SRRD: variants seen among roughly 807,000 people sequenced by gnomAD.
SRRD encodes the protein SRR1-like protein.
Under a neutral mutation model 30.7 loss-of-function variants are expected in SRRD, and 28 were observed. The observed-to-expected ratio is 0.91, with a 90% confidence interval of 0.68 to 1.25. The LOEUF is 1.25. SRRD is among the 50% of genes most tolerant of loss of function. The pLI is 0.00. For synonymous variants in SRRD, 161 were observed against 159.6 expected (o/e 1.01, Z -0.07); for missense variants, 415 against 417.3 (o/e 0.99, Z 0.05).
rs201235822 is a variant in SRRD, at chr22:26,492,298, G to C, written c.*626G>C. On this transcript the variant is annotated 3_prime_UTR_variant, in exon 7 of 7. Coordinates refer to ENST00000215917, the MANE Select transcript of SRRD (RefSeq NM_001013694.3). ...GCCTCTCCTGCATGGCCTCGTACTG[G>C]AAGTCCTTCCTCCGCTCCGTGTGGG... 4 of 1,614,070 alleles carry C rather than the reference G, an allele frequency of 2.5e-6. No homozygotes were observed. The highest frequency in any genetic ancestry group is 3.4e-6 in the Non-Finnish European group (4 of 1,180,034).
intron 4 of SRRD, 122 bp downstream of exon 4, chr22:26,488,610 A>G: frequency 1.4e-6 from 1 of 739,000 alleles, no homozygotes; most frequent in Non-Finnish European, 2.4e-6. Context: ...CCGCCTGCTC[A>G]CTTTTGTAGT....
chr22:26,484,203 A>T, intron 1 of SRRD, 104 bp downstream of exon 1: 1 of 1,210,938 alleles, frequency 8.3e-7, no homozygotes, highest in Non-Finnish European at 1.2e-6. Context: ...CCCTTTAAGG[A>T]GTTATTGTGA....
chr22:26,494,299 C>A lies in SRRD; in HGVS notation c.*2627C>A. The A allele has an allele frequency of 6.2e-7, 1 of 1,614,208 alleles. No individual in the cohort carries two copies. Among genetic ancestry groups the A allele is most frequent in the Non-Finnish European group, 8.5e-7 (1 of 1,180,044 alleles). ...TTGGGCTGTTACTGAGCCAAGAGCA[C>A]AGCACCTGCCAAAAAGAAAAATTAC... On this transcript the variant is annotated 3_prime_UTR_variant, in exon 7 of 7. Coordinates refer to ENST00000215917, the MANE Select transcript of SRRD (RefSeq NM_001013694.3).
intron 6 of SRRD, 82 bp from the exon 7 acceptor site, chr22:26,491,381 C>A: frequency 1.8e-6 from 2 of 1,116,530 alleles, no homozygotes; most frequent in Non-Finnish European, 1.3e-6. Context: ...GTGGGGATGA[C>A]AAGTAAAGTG....
rs780834913 is a variant in SRRD at position 26,491,485 on chromosome 22, T to C, written c.833T>C (p.Leu278Pro). The part of the protein sequence containing the change: ...IAKILKGLEE[L>P]EFPQTSQYMD... ...CAGATTTTAAAAGGACTGGAGGAGCTTGAGTTTCCTCAGACTTCACAATAC... is the reference window on the plus strand; with the variant it reads ...CAGATTTTAAAAGGACTGGAGGAGCCTGAGTTTCCTCAGACTTCACAATAC... Residue 278 changes from leucine to proline, a missense_variant, in exon 7 of 7, where the codon CTT (leucine) becomes CCT (proline). By Grantham distance (98) the Leu-to-Pro change is moderately conservative (BLOSUM62 -3). Transcript: ENST00000215917. 1.9e-6 allele frequency: 3 copies of C among 1,613,534 alleles called. No homozygotes were observed. Among genetic ancestry groups the C allele is most frequent in the Admixed American group, 1.7e-5 (1 of 60,000 alleles).
Position 26,494,041 on chromosome 22 carries a change from C to T in SRRD, c.*2369C>T. 2.1e-6 allele frequency: 3 copies of T among 1,406,862 alleles called. No individual in the cohort carries two copies. Among genetic ancestry groups the T allele is most frequent in the South Asian group, 1.3e-5 (1 of 74,846 alleles). The allele number at this position is 1,406,862 out of a possible 1,614,324, so 87.1% of individuals were successfully genotyped here. The stretch of plus-strand genomic sequence containing the variant: ...GCAAAAGTGTGACCTAAGGTTTAGG[C>T]TGCCTACAGGAACCAGAAAACTCTG... On this transcript the variant is annotated 3_prime_UTR_variant, in exon 7 of 7. Transcript: ENST00000215917.
chr22:26,484,073 C>T lies in SRRD; in HGVS notation c.183C>T (p.Val61=), dbSNP rs1363697970. ...PEAEFESDSG[V]VLRRIWEAEK... is the part of the protein sequence containing the mutation. ...CGGAGTTCGAGTCTGACAGCGGAGT[C>T]GTGCTTCGTCGCATCTGGGAGGCTG... The change falls in exon 1 of 7, where the codon GTC becomes GTT. Residue 61 remains valine, a synonymous_variant. Coordinates refer to ENST00000215917, the MANE Select transcript of SRRD (RefSeq NM_001013694.3). 3 of 1,488,816 alleles carry T rather than the reference C, an allele frequency of 2.0e-6. No individual in the cohort carries two copies. The highest frequency in any genetic ancestry group is 1.2e-5 in the South Asian group (1 of 81,020). 92.2% of individuals were successfully genotyped at this position (1,488,816 alleles called of 1,614,324 possible). A position where few individuals can be genotyped will look rare whatever the true frequency, so the allele number is the denominator to read the frequency against.
At chr22:26,487,759 C>T (rs1223236906) in intron 2 of SRRD, among the ~76,000 whole-genome samples, 1 of 152,148 alleles carries the variant, frequency 6.6e-6, no homozygotes, top group Non-Finnish European at 1.5e-5. Context: ...TGGAAACTGC[C>T]CTTGAGTGAA....
Position 26,491,570 on chromosome 22 carries a change from C to G in SRRD, c.918C>G (p.Leu306=). Reference sequence around the variant, plus strand: ...TCCCTGTGCAAAAGCTAGAACAGCTCTCCATAGATATTTGGGAGTTTCGGG... The same window carrying G: ...TCCCTGTGCAAAAGCTAGAACAGCTGTCCATAGATATTTGGGAGTTTCGGG... ...HWFPVQKLEQ[L]SIDIWEFREE... Residue 306 remains leucine, a synonymous_variant, in exon 7 of 7, where the codon CTC becomes CTG. Transcript: ENST00000215917. 1 of 1,614,096 alleles carries G rather than the reference C, an allele frequency of 6.2e-7. No homozygotes were observed. Among genetic ancestry groups the G allele is most frequent in the African/African-American group, 1.3e-5 (1 of 75,052 alleles).
chr22:26,490,801 T>C (rs1921070263), intron 5 of SRRD: 1 of 493,328 alleles, frequency 2.0e-6, no homozygotes, highest in Non-Finnish European at 3.6e-6. Context: ...TGACCTCAAA[T>C]GATCCGCCCG....
chr22:26,486,396 G>A (rs1257655993), intron 2 of SRRD, among the ~76,000 whole-genome samples: 5 of 152,034 alleles, frequency 3.3e-5, no homozygotes, highest in South Asian at 2.1e-4. Context: ...CCTTTTCCTC[G>A]TGCAGTGATA....
At chr22:26,491,172 C>T (rs552220557) in intron 6 of SRRD, 102 bp downstream of exon 6, 6 of 1,187,934 alleles carry the variant, frequency 5.1e-6, no homozygotes, top group Non-Finnish European at 7.3e-6. Flanking sequence ...GGCTAAGTGG[C>T]GCTAGTGTAC....
At chr22:26,490,559 C>CTTTTTTTTTTGTT (rs1921029559) in intron 5 of SRRD, among the ~76,000 whole-genome samples, 1 of 51,834 alleles carries the variant, frequency 1.9e-5, no homozygotes, top group Non-Finnish European at 3.4e-5. Flanking sequence ...GGAATATTTG[C>CTTTTTTTTTTGTT]TTTTTTTTTT....
At position 26,491,722 on chromosome 22, in the gene SRRD, G is replaced by C. The variant is rs1921212073; in HGVS notation, c.*50G>C. 1.3e-6 allele frequency: 2 copies of C among 1,519,616 alleles called. No homozygotes were observed. The highest frequency in any genetic ancestry group is 2.7e-5 in the African/African-American group (2 of 72,820). 94.1% of individuals were successfully genotyped at this position (1,519,616 alleles called of 1,614,324 possible). ...GGCTGAGGTAGAAGCTGCCACCAGA[G>C]ACTAAAGGGAAGGCTGCTATGGAGG... On this transcript the variant is annotated 3_prime_UTR_variant, in exon 7 of 7. Transcript: ENST00000215917.
In SRRD at chr22:26,484,058, G is replaced by C; in HGVS notation, c.168G>C (p.Glu56Asp). The change falls in exon 1 of 7, where the codon GAG (glutamate) becomes GAC (aspartate). Residue 56 changes from glutamate to aspartate, a missense_variant. Coordinates refer to ENST00000215917, the MANE Select transcript of SRRD (RefSeq NM_001013694.3). ...AAPRGPEAEFESDSGVVLRRI... is the reference protein window; with the variant it reads ...AAPRGPEAEFDSDSGVVLRRI... ...CCCGGGGCCCCGAGGCGGAGTTCGAGTCTGACAGCGGAGTCGTGCTTCGTC... is the reference window on the plus strand; with the variant it reads ...CCCGGGGCCCCGAGGCGGAGTTCGACTCTGACAGCGGAGTCGTGCTTCGTC... 6.9e-7 allele frequency: 1 copy of C among 1,457,706 alleles called. No homozygotes were observed. Among genetic ancestry groups the C allele is most frequent in the South Asian group, 1.3e-5 (1 of 78,976 alleles). The allele number at this position is 1,457,706 out of a possible 1,614,324, so 90.3% of individuals were successfully genotyped here.
rs1045926537 is a variant in SRRD at position 26,492,424 on chromosome 22, T to G, written c.*752T>G. 5.0e-5 allele frequency: 77 copies of G among 1,537,652 alleles called. No homozygotes were observed. The highest frequency in any genetic ancestry group is 6.6e-5 in the Non-Finnish European group (74 of 1,119,894). Reference sequence around the variant, plus strand: ...GAGGTGTTTCCAGGTGTATGGAAGTTGACACTGTGGCTTGGCCCAGGTCTT... The same window carrying G: ...GAGGTGTTTCCAGGTGTATGGAAGTGGACACTGTGGCTTGGCCCAGGTCTT... On this transcript the variant is annotated 3_prime_UTR_variant, in exon 7 of 7. Transcript: ENST00000215917.
At chr22:26,487,282 T>C (rs1420867006) in intron 2 of SRRD, among the ~76,000 whole-genome samples, 1 of 152,200 alleles carries the variant, frequency 6.6e-6, no homozygotes, top group Non-Finnish European at 1.5e-5. Context: ...TTTTTTGTTT[T>C]GCTAAATTCA....
chr22:26,492,334 A>G lies in SRRD; in HGVS notation c.*662A>G. On this transcript the variant is annotated 3_prime_UTR_variant, in exon 7 of 7. Coordinates refer to ENST00000215917, the MANE Select transcript of SRRD (RefSeq NM_001013694.3). ...TCCGCTCCGTGTGGGTGAGATAGGC[A>G]ATGTTCTCCCGTGCTCCTGGCTGCA... 1 of 1,614,166 alleles carries G rather than the reference A, an allele frequency of 6.2e-7. No homozygotes were observed. The highest frequency in any genetic ancestry group is 8.5e-7 in the Non-Finnish European group (1 of 1,180,024).
chr22:26,491,990 AC>A lies in SRRD; in HGVS notation c.*319del, dbSNP rs772234370. ...CATCCCTCTTAGGGGCAAGTCTCTG[AC>A]TGGTTCTGGACCTGCCACAGTTCAC... On this transcript the variant is annotated 3_prime_UTR_variant, in exon 7 of 7. Transcript: ENST00000215917. The A allele has an allele frequency of 2.4e-5, 38 of 1,563,990 alleles. No homozygotes were observed. The African/African-American group carries it at 5.0e-4, about 21-fold the overall frequency.
Sources: gnomAD v4.1 joint callset for allele counts (sites outside exome capture counted in the v4.1 genomes callset) on GRCh38, gnomAD v4.1.1 for gene constraint, MANE v1.5 for transcripts, NCBI Gene and HGNC (gene_info 2026-07-23, HGNC 2026-07-21) for gene names.